NBPF15: variants seen among roughly 807,000 people sequenced by gnomAD.
NBPF15 encodes NBPF member 15, also known as NBPF family member NBPF15.
NBPF15 carries 74 observed loss-of-function variants against 62.2 expected under a neutral mutation model. The ratio of observed to expected loss-of-function variants is 1.19; its 90% confidence interval spans 0.99 to 1.44. The LOEUF is 1.44. Among genes scored for constraint, NBPF15 ranks in the 40% most tolerant of loss-of-function variants. The probability of loss-of-function intolerance (pLI) is 0.00; values close to 1 mark genes in which losing one functional copy is unlikely to be tolerated. For missense variants in NBPF15, 790 were observed against 550.0 expected, an observed-to-expected ratio of 1.44 and a Z score of -4.36; for synonymous variants, 244 against 209.7, an observed-to-expected ratio of 1.16 and a Z score of -1.41.
chr1:144,443,177 C>A (rs1450218035), intron 6 of NBPF15, among the ~76,000 whole-genome samples: 2 of 151,796 alleles, frequency 1.3e-5, no homozygotes, highest in African/African-American at 2.4e-5. Context: ...CCCACCCATA[C>A]CCCTCCTGTG....
At position 144,426,460 on chromosome 1, in the gene NBPF15, T is replaced by C. The variant is rs782800075; in HGVS notation, c.1266-10A>G. 497 of 806,116 alleles carry C rather than the reference T, an allele frequency of 6.2e-4. 3 individuals carry two copies. The highest frequency in any genetic ancestry group is 1.0e-3 in the Non-Finnish European group (461 of 444,894). 49.9% of individuals were successfully genotyped at this position (806,116 alleles called of 1,614,324 possible). On this transcript the variant is annotated splice_polypyrimidine_tract_variant and intron_variant, in intron 17 of 21. Transcript: ENST00000581897. The stretch of plus-strand genomic sequence containing the variant: ...CAGCTCCCTGCTGAGCCTGGAAAAG[T>C]AGGAAAAAGTAAAGAATAAGCCAGG...
chr1:144,443,751 CT>C (rs1378639983), intron 6 of NBPF15, among the ~76,000 whole-genome samples: 6 of 150,690 alleles, frequency 4.0e-5, no homozygotes, highest in African/African-American at 1.2e-4. Context: ...ATGAAATCAA[CT>C]TTATAAAGGC....
intron 3 of NBPF15, among the ~76,000 whole-genome samples, 189 bp downstream of exon 3, chr1:144,459,176 TA>T (rs1231679343): frequency 6.6e-6 from 1 of 151,956 alleles, no homozygotes; most frequent in African/African-American, 2.4e-5. Flanking sequence ...AAAAGATTGA[TA>T]AAGTATAATT....
intron 20 of NBPF15, among the ~76,000 whole-genome samples, chr1:144,424,373 A>G (rs1668049532): frequency 1.3e-5 from 2 of 151,696 alleles, no homozygotes; most frequent in Admixed American, 1.3e-4. Context: ...AATTAGAGTG[A>G]AAAAGGAAAT....
intron 6 of NBPF15, among the ~76,000 whole-genome samples, chr1:144,442,001 G>T (rs1256160543): frequency 6.8e-6 from 1 of 147,990 alleles, no homozygotes; most frequent in Non-Finnish European, 1.5e-5. Flanking sequence ...TCACACACCA[G>T]GGCCTGTCAT....
intron 17 of NBPF15, 115 bp from the exon 18 acceptor site, chr1:144,426,565 A>C (rs1288798160): frequency 4.1e-6 from 3 of 723,064 alleles, no homozygotes; most frequent in Non-Finnish European, 5.1e-6. Flanking sequence ...GGACGGATCC[A>C]TTAATGAGGT....
rs1286128726 is a variant in NBPF15, at chr1:144,439,929, G to A, written c.75C>T (p.Arg25=). ...GCTGTTTCTTCTCTGCCAACTGGGG[G>A]CGCAATTTCTCATTGATTTCTAGAA... ...MNILEINEKL[R]PQLAEKKQQF... is the part of the protein sequence containing the mutation. Residue 25 remains arginine, a synonymous_variant, in exon 8 of 22, where the codon CGC becomes CGT. Coordinates refer to ENST00000581897, the MANE Select transcript of NBPF15 (RefSeq NM_001385408.1). 31 of 1,611,248 alleles carry A rather than the reference G, an allele frequency of 1.9e-5. No individual in the cohort carries two copies. The highest frequency in any genetic ancestry group is 4.2e-4 in the Middle Eastern group (2 of 4,794).
intron 13 of NBPF15, among the ~76,000 whole-genome samples, chr1:144,432,425 A>G (rs1185644508): frequency 1.3e-5 from 2 of 152,092 alleles, no homozygotes; most frequent in Non-Finnish European, 2.9e-5. Context: ...ACCAGCTAAT[A>G]TCATAATGAC....
intron 6 of NBPF15, among the ~76,000 whole-genome samples, chr1:144,445,320 T>G (rs1302138168): frequency 7.9e-6 from 1 of 126,802 alleles, no homozygotes; most frequent in Non-Finnish European, 1.6e-5. Context: ...GATGATAATC[T>G]TCAAAACGGT....
rs200597648 is a variant in NBPF15, at chr1:144,426,365, G to A, written c.1351C>T (p.Leu451Phe). 47 of 886,860 alleles carry A rather than the reference G, an allele frequency of 5.3e-5. 2 individuals carry two copies. Among genetic ancestry groups the A allele is most frequent in the Non-Finnish European group, 4.4e-5 (23 of 518,930 alleles). The allele number at this position is 886,860 out of a possible 1,614,324, so 54.9% of individuals were successfully genotyped here. Residue 451 changes from leucine to phenylalanine, a missense_variant, in exon 18 of 22, where the codon CTT becomes TTT. By Grantham distance (22) the Leu-to-Phe change is conservative. Transcript: ENST00000581897. The stretch of plus-strand genomic sequence containing the variant: ...GGCTGGCCTAAGTCAGGCAGTTCAA[G>A]ATAATCTGAAGGAGTCGAATAACAT... ...DRCYSTPSDY[L>F]ELPDLGQPYS...
chr1:144,448,255 C>G (rs587650601), intron 6 of NBPF15, among the ~76,000 whole-genome samples: 96 of 152,180 alleles, frequency 6.3e-4, no homozygotes, highest in African/African-American at 2.2e-3. Flanking sequence ...CTCTGATATT[C>G]TGTGACTCTG....
rs1571109761 is a variant in NBPF15, at chr1:144,427,108, G to A, written c.1214-10C>T. On this transcript the variant is annotated splice_polypyrimidine_tract_variant and intron_variant, in intron 16 of 21. Transcript: ENST00000581897. The stretch of plus-strand genomic sequence containing the variant: ...TGGTACTTTTCAATTTCTGCAATAA[G>A]TTCAGACATGGACAGACATATTAAG... The A allele has an allele frequency of 5.3e-6, 3 of 565,370 alleles. No homozygotes were observed. The highest frequency in any genetic ancestry group is 5.8e-5 in the East Asian group (2 of 34,690). The allele number at this position is 565,370 out of a possible 1,614,324, so 35.0% of individuals were successfully genotyped here.
intron 6 of NBPF15, among the ~76,000 whole-genome samples, chr1:144,445,332 A>AATATAT (rs1246556657): frequency 0.019 from 1,790 of 92,432 alleles, 29 homozygotes; most frequent in Middle Eastern, 0.035. Flanking sequence ...CAAAACGGTG[A>AATATAT]ATATATATAT....
intron 9 of NBPF15, among the ~76,000 whole-genome samples, 175 bp downstream of exon 9, chr1:144,437,770 T>A (rs1412165791): frequency 6.6e-6 from 1 of 151,976 alleles, no homozygotes; most frequent in East Asian, 1.9e-4. Context: ...CTGCAACCCA[T>A]ACATTTTTAT....
At chr1:144,451,497 T>G (rs1691125850) in intron 4 of NBPF15, among the ~76,000 whole-genome samples, 1 of 151,764 alleles carries the variant, frequency 6.6e-6, no homozygotes, top group African/African-American at 2.4e-5. Context: ...CACGAGGCTG[T>G]ATTTCAGACT....
intron 4 of NBPF15, among the ~76,000 whole-genome samples, chr1:144,453,759 T>C (rs1404708510): frequency 1.4e-5 from 2 of 142,868 alleles, no homozygotes; most frequent in African/African-American, 2.6e-5. Flanking sequence ...GAATTGCACA[T>C]TAAAACAACG....
chr1:144,442,494 G>T (rs1212727688), intron 6 of NBPF15: 1 of 150,000 alleles, frequency 6.7e-6, no homozygotes, highest in African/African-American at 2.5e-5. Context: ...GTGGCGAGGA[G>T]GACAGCACCT....
chr1:144,439,890 G>C lies in NBPF15; in HGVS notation c.114C>G (p.Leu38=), dbSNP rs782007431. The change falls in exon 8 of 22, where the codon CTC becomes CTG. Residue 38 remains leucine, a synonymous_variant. Coordinates refer to ENST00000581897, the MANE Select transcript of NBPF15 (RefSeq NM_001385408.1). ...GTTGAGTTAGAAAACATTTCTCTTT[G>C]AGGTTTCTGAACTGCTGTTTCTTCT... The part of the protein sequence containing the change: ...LAEKKQQFRN[L]KEKCFLTQLA... 1 of 1,611,174 alleles carries C rather than the reference G, an allele frequency of 6.2e-7. No homozygotes were observed. The highest frequency in any genetic ancestry group is 1.3e-5 in the African/African-American group (1 of 74,874).
intron 21 of NBPF15, 117 bp downstream of exon 21, chr1:144,423,753 A>G: frequency 2.8e-6 from 2 of 702,318 alleles, no homozygotes; most frequent in East Asian, 4.9e-5. Flanking sequence ...CAGCAATGAC[A>G]GTAGGAGTAA....
Sources: allele counts gnomAD v4.1 joint callset (sites outside exome capture counted in the v4.1 genomes callset), GRCh38; gene constraint gnomAD v4.1.1; transcripts MANE v1.5; gene names NCBI Gene and HGNC (gene_info 2026-07-23, HGNC 2026-07-21).